DNAJC13: variants seen among roughly 807,000 people sequenced by gnomAD.
DNAJC13 encodes the protein dnaJ homolog subfamily C member 13.
Under a neutral mutation model 290.5 loss-of-function variants are expected in DNAJC13, and 75 were observed. That is an observed-to-expected ratio of 0.26 (90% confidence interval 0.21 to 0.31). The LOEUF (loss-of-function observed/expected upper bound fraction) is 0.31, where lower values mean the gene tolerates loss of function less well. Among genes scored for constraint, DNAJC13 ranks in the 10% least tolerant of loss-of-function variants. The pLI is 1.00. For synonymous variants in DNAJC13, 862 were observed against 892.0 expected (o/e 0.97, Z 0.60); for missense variants, 2,260 against 2,674.5 (o/e 0.85, Z 3.42).
chr3:132,446,401 TTG>T (rs1933245007), intron 2 of DNAJC13, 72 bp from the exon 3 acceptor site: 5 of 1,034,446 alleles, frequency 4.8e-6, no homozygotes. Context: ...ACTGTTTGTT[TTG>T]TGTTATATAT....
intron 12 of DNAJC13, 21 bp from the exon 13 acceptor site, chr3:132,457,248 G>A (rs1933636877): frequency 6.4e-7 from 1 of 1,572,310 alleles, no homozygotes; most frequent in African/African-American, 1.4e-5. Context: ...GCTAGTATAT[G>A]CTTGTTTTTT....
rs1933594084 is a variant in DNAJC13 at position 132,456,222 on chromosome 3, T to G, written c.933-13T>G. The G allele has an allele frequency of 6.2e-7, 1 of 1,606,864 alleles. No individual in the cohort carries two copies. Among genetic ancestry groups the G allele is most frequent in the Non-Finnish European group, 8.5e-7 (1 of 1,177,816 alleles). ...CAATGCTAAAACCTTTTTTTACTTT[T>G]AATCTTACTTAGAGATTCCTTATTA... On this transcript the variant is annotated splice_polypyrimidine_tract_variant and intron_variant, in intron 9 of 55. Transcript: ENST00000260818.
chr3:132,438,922 A>T (rs1932955352), intron 2 of DNAJC13, among the ~76,000 whole-genome samples: 1 of 152,206 alleles, frequency 6.6e-6, no homozygotes, highest in Non-Finnish European at 1.5e-5. Context: ...TTCTTTCATG[A>T]AGGAGAAAAA....
chr3:132,492,179 G>A (rs544520188), intron 32 of DNAJC13, among the ~76,000 whole-genome samples: 111 of 152,048 alleles, frequency 7.3e-4, no homozygotes, highest in South Asian at 2.1e-3. Context: ...GGAAGGACTG[G>A]GATTATCAGC....
chr3:132,523,596 A>G lies in DNAJC13; in HGVS notation c.5943A>G (p.Gly1981=). 1 of 1,614,124 alleles carries G rather than the reference A, an allele frequency of 6.2e-7. No homozygotes were observed. The highest frequency in any genetic ancestry group is 8.5e-7 in the Non-Finnish European group (1 of 1,179,992). Residue 1981 remains glycine (G), a synonymous_variant, in exon 51 of 56, where the codon GGA becomes GGG. Transcript: ENST00000260818. The part of the protein sequence containing the change: ...FGEAEGELAV[G]GVFLRIFIAQ... ...AAGCAGAGGGTGAACTTGCTGTTGG[A>G]GGAGTCTTCTTGAGGATCTTTATTG...
At position 132,513,005 on chromosome 3, in the gene DNAJC13, T is replaced by C; in HGVS notation, c.5294-3T>C. 2 of 1,610,454 alleles carry C rather than the reference T, an allele frequency of 1.2e-6. No individual in the cohort carries two copies. The highest frequency in any genetic ancestry group is 1.7e-6 in the Non-Finnish European group (2 of 1,176,944). Reference sequence around the variant, plus strand: ...AGTAAACCATTTTATTCTTATTCTCTAGGTTCTGAGAGTGAATGCATTGGG... The same window carrying C: ...AGTAAACCATTTTATTCTTATTCTCCAGGTTCTGAGAGTGAATGCATTGGG... On this transcript the variant is annotated splice_polypyrimidine_tract_variant and splice_region_variant and intron_variant, in intron 44 of 55. Transcript: ENST00000260818.
chr3:132,426,193 A>G (rs988344695), intron 1 of DNAJC13, among the ~76,000 whole-genome samples: 5 of 152,152 alleles, frequency 3.3e-5, no homozygotes, highest in African/African-American at 1.2e-4. Context: ...TTTTTAACCC[A>G]TAGGACAGTT....
At chr3:132,460,434 T>A in intron 14 of DNAJC13, 77 bp downstream of exon 14, 5 of 1,020,284 alleles carry the variant, frequency 4.9e-6, no homozygotes, top group Non-Finnish European at 7.2e-6. Flanking sequence ...GCCACGTGGA[T>A]GATTTTTTTT....
At position 132,499,768 on chromosome 3, in the gene DNAJC13, T is replaced by G. The variant is rs1576502707; in HGVS notation, c.4376T>G (p.Val1459Gly). Reference protein sequence around the residue: ...LQEAFSRCVAVLTRASKPSDM... With the variant: ...LQEAFSRCVAGLTRASKPSDM... Reference sequence around the variant, plus strand: ...GAGGCATTTAGTCGCTGTGTGGCTGTCTTGACTCGTGCTAGTAAACCAAGT... The same window carrying G: ...GAGGCATTTAGTCGCTGTGTGGCTGGCTTGACTCGTGCTAGTAAACCAAGT... The change falls in exon 38 of 56, where the codon GTC (valine) becomes GGC (glycine). Residue 1459 changes from valine to glycine, a missense_variant. This residue lies in a region of DNAJC13 where 1,494 missense variants were observed against 1,693.7 expected (regional missense o/e 0.88). Transcript: ENST00000260818. 1 of 1,614,212 alleles carries G rather than the reference T, an allele frequency of 6.2e-7. No homozygotes were observed. Among genetic ancestry groups the G allele is most frequent in the Non-Finnish European group, 8.5e-7 (1 of 1,180,016 alleles).
At chr3:132,418,441 T>C (rs1052654263) in intron 1 of DNAJC13, among the ~76,000 whole-genome samples, 4 of 152,142 alleles carry the variant, frequency 2.6e-5, no homozygotes, top group African/African-American at 7.2e-5. Flanking sequence ...TGTTTAAGAG[T>C]GCCTTCCCTT....
At chr3:132,537,042 T>G (rs1057260204) in intron 55 of DNAJC13, 2 of 445,886 alleles carry the variant, frequency 4.5e-6, no homozygotes, top group African/African-American at 4.0e-5. Flanking sequence ...AAGATGAATC[T>G]GAATGGTGGC....
chr3:132,455,549 C>T (rs371053169), intron 9 of DNAJC13, among the ~76,000 whole-genome samples: 24 of 151,998 alleles, frequency 1.6e-4, no homozygotes, highest in Non-Finnish European at 2.9e-5. Flanking sequence ...TTCGTAATAT[C>T]ATTACTCATA....
Position 132,456,493 on chromosome 3 carries a change from CT to C in DNAJC13, c.1100-5del. The C allele has an allele frequency of 6.2e-7, 1 of 1,613,582 alleles. No individual in the cohort carries two copies. Among genetic ancestry groups the C allele is most frequent in the Non-Finnish European group, 8.5e-7 (1 of 1,179,798 alleles). On this transcript the variant is annotated splice_polypyrimidine_tract_variant and splice_region_variant and intron_variant, in intron 10 of 55. Transcript: ENST00000260818. ...ATCTTCTTTTTGAACCTCTTAATCT[CT>C]TTACAGATGGCAACTTTGCAGATGC... is the stretch of plus-strand genomic sequence containing the variant.
rs764347473 is a variant in DNAJC13 at position 132,488,428 on chromosome 3, G to A, written c.3398G>A (p.Gly1133Asp). 1.4e-4 allele frequency: 233 copies of A among 1,611,078 alleles called. No homozygotes were observed. Among genetic ancestry groups the A allele is most frequent in the Non-Finnish European group, 1.9e-4 (223 of 1,178,856 alleles). Reference protein sequence around the residue: ...GVFFFIMMYTGSNVLPVARFL... With the variant: ...GVFFFIMMYTDSNVLPVARFL... ...TTTTTCTTTATCATGATGTACACAGGTTCCAATGTGCTTCCTGTTGCTCGG... is the reference window on the plus strand; with the variant it reads ...TTTTTCTTTATCATGATGTACACAGATTCCAATGTGCTTCCTGTTGCTCGG... Residue 1133 changes from glycine (G) to aspartate (D), a missense_variant, in exon 30 of 56, where the codon GGT becomes GAT. Gly to Asp is a moderately conservative substitution (Grantham distance 94). Around this residue, in one of 3 missense-constraint regions of DNAJC13, gnomAD observed 1,494 missense variants for 1,693.7 expected, o/e 0.88. Coordinates refer to ENST00000260818, the MANE Select transcript of DNAJC13 (RefSeq NM_015268.4).
intron 54 of DNAJC13, among the ~76,000 whole-genome samples, chr3:132,529,159 T>G (rs1304280010): frequency 1.3e-5 from 2 of 152,216 alleles, no homozygotes; most frequent in African/African-American, 4.8e-5. Context: ...TTTCTGTCTC[T>G]GGATTTACCT....
Position 132,492,024 on chromosome 3 carries a change from C to T in DNAJC13, c.3624-390C>T, listed in dbSNP as rs1205248371. Among the ~76,000 whole-genome samples the T allele has an allele frequency of 3.3e-5, 5 of 152,096 alleles. No individual in the cohort carries two copies. The South Asian group carries it at 8.3e-4, about 25-fold the overall frequency. On this transcript the variant is annotated intron_variant, in intron 32 of 55. Transcript: ENST00000260818. ...CTGATAAGTTTCTGCTTAGCTGAGG[C>T]CAGATCCTAGACTACAGTAAGTTAA...
Position 132,456,738 on chromosome 3 carries a change from G to A in DNAJC13, c.1255G>A (p.Val419Ile), listed in dbSNP as rs373430445. The A allele has an allele frequency of 4.3e-6, 7 of 1,613,964 alleles. No individual in the cohort carries two copies. The African/African-American group carries it at 6.7e-5, about 15-fold the overall frequency. Residue 419 changes from valine to isoleucine, a missense_variant, in exon 12 of 56, where the codon GTT becomes ATT. Physicochemically the swap from Val to Ile is conservative, Grantham distance 29 (BLOSUM62 3). Transcript: ENST00000260818. Reference protein sequence around the residue: ...TALLSQEGDVVASNAELESQF... With the variant: ...TALLSQEGDVIASNAELESQF... ...ATTACTGTCCCAAGAAGGGGATGTC[G>A]TTGCTTCAAATGCGGAACTTGAGAG...
intron 26 of DNAJC13, among the ~76,000 whole-genome samples, chr3:132,481,011 C>T (rs1270004117): frequency 6.6e-6 from 1 of 152,166 alleles, no homozygotes; most frequent in Non-Finnish European, 1.5e-5. Context: ...TATACCATTA[C>T]AACAGGTACT....
At position 132,417,545 on chromosome 3, in the gene DNAJC13, G is replaced by A. The variant is rs1300664404; in HGVS notation, c.-229G>A. Reference sequence around the variant, plus strand: ...GCCTGAGCGAAGATGGCGGCCTCCAGAGTGAAACTCTGAGAGGCAGAGGGA... The same window carrying A: ...GCCTGAGCGAAGATGGCGGCCTCCAAAGTGAAACTCTGAGAGGCAGAGGGA... On this transcript the variant is annotated 5_prime_UTR_variant, in exon 1 of 56. Coordinates refer to ENST00000260818, the MANE Select transcript of DNAJC13 (RefSeq NM_015268.4). 3.9e-5 allele frequency: 6 copies of A among 152,266 alleles called. No homozygotes were observed. The East Asian group carries it at 9.7e-4, about 25-fold the overall frequency. The allele number at this position is 152,266 out of a possible 1,614,324, so 9.4% of individuals were successfully genotyped here.
Sources: allele counts gnomAD v4.1 joint callset (sites outside exome capture counted in the v4.1 genomes callset), GRCh38; gene constraint gnomAD v4.1.1; regional missense constraint gnomAD v4.1.1; transcripts MANE v1.5; gene names NCBI Gene and HGNC (gene_info 2026-07-23, HGNC 2026-07-21).